The following LRRTM4 variants were observed in gnomAD, a reference collection of about 807,000 sequenced individuals.
The protein encoded by LRRTM4 is leucine-rich repeat transmembrane neuronal protein 4.
A neutral mutation model predicts 47.6 loss-of-function variants in LRRTM4; 25 were observed. The observed-to-expected ratio is 0.53, with a 90% CI of 0.38 to 0.73. The LOEUF is 0.73. LRRTM4 is among the 30% of genes least tolerant of loss of function. The pLI, the probability that LRRTM4 is intolerant of heterozygous loss-of-function variation, is 0.00. For missense variants in LRRTM4, 638 were observed against 713.4 expected (o/e 0.89, Z 1.20); for synonymous variants, 311 against 269.5 (o/e 1.15, Z -1.51).
intron 3 of LRRTM4, among the ~76,000 whole-genome samples, chr2:76,917,534 T>C (rs1327318393): frequency 3.3e-5 from 5 of 152,122 alleles, no homozygotes; most frequent in Admixed American, 3.3e-4. Flanking sequence ...TGTTTGGGGT[T>C]TCTTAATGTG....
At chr2:77,063,477 G>C (rs1679858230) in intron 3 of LRRTM4, among the ~76,000 whole-genome samples, 1 of 151,784 alleles carries the variant, frequency 6.6e-6, no homozygotes, top group Non-Finnish European at 1.5e-5. Context: ...TTAAAGTTTT[G>C]GGAAGGAAAT....
intron 3 of LRRTM4, among the ~76,000 whole-genome samples, chr2:77,393,853 A>G (rs1214668822): frequency 6.6e-6 from 1 of 151,912 alleles, no homozygotes; most frequent in Non-Finnish European, 1.5e-5. Context: ...TGTATTTCTT[A>G]AGAGTCCAGG....
At chr2:77,219,436 A>G (rs1457106428) in intron 3 of LRRTM4, among the ~76,000 whole-genome samples, 1 of 152,060 alleles carries the variant, frequency 6.6e-6, no homozygotes, top group Non-Finnish European at 1.5e-5. Flanking sequence ...TTTCTAGAGC[A>G]CTCCTTCATA....
chr2:77,455,567 A>T (rs962615769), intron 3 of LRRTM4, among the ~76,000 whole-genome samples: 1 of 151,834 alleles, frequency 6.6e-6, no homozygotes, highest in African/African-American at 2.4e-5. Flanking sequence ...TTTTATTTTC[A>T]TACCCTTTTT....
rs565834053 is a variant in LRRTM4 at position 77,167,503 on chromosome 2, G to A, written c.1551+350815C>T. 5.5e-4 allele frequency among the ~76,000 whole-genome samples: 83 copies of A among 152,256 alleles called. 1 individual carries two copies. Among genetic ancestry groups the A allele is most frequent in the African/African-American group, 1.8e-3 (73 of 41,556 alleles). Reference sequence around the variant, plus strand: ...TGCTGCTATAAAGACACATGCATACGTATGTTTATTGAGGCACTGTTCACA... The same window carrying A: ...TGCTGCTATAAAGACACATGCATACATATGTTTATTGAGGCACTGTTCACA... On this transcript the variant is annotated intron_variant, in intron 3 of 3. Transcript: ENST00000409884.
At chr2:76,974,740 T>A (rs1412000511) in intron 3 of LRRTM4, among the ~76,000 whole-genome samples, 1 of 151,742 alleles carries the variant, frequency 6.6e-6, no homozygotes, top group Non-Finnish European at 1.5e-5. Context: ...CATACTATTA[T>A]AAATTTAATT....
chr2:76,872,934 GC>G (rs1340340690), intron 3 of LRRTM4, among the ~76,000 whole-genome samples: 3 of 151,990 alleles, frequency 2.0e-5, no homozygotes, highest in Admixed American at 1.3e-4. Flanking sequence ...GCATTCACTG[GC>G]TCCTTTTCAC....
At chr2:77,470,097 A>C (rs1677129852) in intron 3 of LRRTM4, among the ~76,000 whole-genome samples, 3 of 152,174 alleles carry the variant, frequency 2.0e-5, no homozygotes, top group Admixed American at 1.3e-4. Context: ...ATAGTTTCTT[A>C]GGACTGATAC....
intron 3 of LRRTM4, among the ~76,000 whole-genome samples, chr2:76,851,073 T>TAACAGTGCACATTCAG (rs1166001400): frequency 6.6e-6 from 1 of 152,204 alleles, no homozygotes; most frequent in Non-Finnish European, 1.5e-5. Flanking sequence ...CCAGTTTTGC[T>TAACAGTGCACATTCAG]AACAGTGCAC....
At chr2:76,804,481 A>T (rs575207566) in intron 3 of LRRTM4, among the ~76,000 whole-genome samples, 9 of 151,980 alleles carry the variant, frequency 5.9e-5, no homozygotes, top group South Asian at 4.2e-4. Context: ...TGACACATCT[A>T]AGTATCAGCC....
At chr2:77,351,323 G>T (rs1458060900) in intron 3 of LRRTM4, among the ~76,000 whole-genome samples, 1 of 151,522 alleles carries the variant, frequency 6.6e-6, no homozygotes, top group East Asian at 1.9e-4. Flanking sequence ...GTTTGACAAG[G>T]TATTCCCAAC....
chr2:77,479,421 C>T (rs13420329), intron 3 of LRRTM4, among the ~76,000 whole-genome samples: 43,222 of 152,052 alleles, frequency 0.28, 6,374 homozygotes, highest in Admixed American at 0.38. Context: ...AAAGATCAAA[C>T]AGTCAGTCCA....
chr2:77,003,632 C>A (rs1376015878), intron 3 of LRRTM4, among the ~76,000 whole-genome samples: 2 of 152,144 alleles, frequency 1.3e-5, no homozygotes, highest in South Asian at 2.1e-4. Context: ...GTTAATTAAA[C>A]CTCTTCCCTT....
chr2:76,867,066 G>A lies in LRRTM4; in HGVS notation c.1552-118150C>T, dbSNP rs139245313. 3.8e-3 allele frequency among the ~76,000 whole-genome samples: 576 copies of A among 152,130 alleles called. 2 individuals carry two copies. The highest frequency in any genetic ancestry group is 0.011 in the African/African-American group (476 of 41,516). On this transcript the variant is annotated intron_variant, in intron 3 of 3. Transcript: ENST00000409884. Reference sequence around the variant, plus strand: ...GGGGAACATCACACAACGTCTGTTAGGGGGTGGTGGGGCAAGGGGAGGGAG... The same window carrying A: ...GGGGAACATCACACAACGTCTGTTAAGGGGTGGTGGGGCAAGGGGAGGGAG...
chr2:76,942,602 C>A (rs1341861084), intron 3 of LRRTM4, among the ~76,000 whole-genome samples: 2 of 150,216 alleles, frequency 1.3e-5, no homozygotes, highest in Admixed American at 6.7e-5. Flanking sequence ...TCAACCCCAA[C>A]ATTTATGAAT....
intron 3 of LRRTM4, among the ~76,000 whole-genome samples, chr2:77,247,365 C>G (rs932155586): frequency 6.6e-6 from 1 of 152,088 alleles, no homozygotes; most frequent in Admixed American, 6.6e-5. Context: ...TGAAGGATCA[C>G]AAAACCACAC....
intron 3 of LRRTM4, among the ~76,000 whole-genome samples, chr2:77,354,322 G>C (rs751315672): frequency 2.6e-5 from 4 of 151,364 alleles, no homozygotes; most frequent in Non-Finnish European, 2.9e-5. Context: ...GTGAAGGGAT[G>C]CATATCCAGA....
chr2:76,847,344 A>G (rs1246487391), intron 3 of LRRTM4, among the ~76,000 whole-genome samples: 3 of 152,152 alleles, frequency 2.0e-5, no homozygotes, highest in African/African-American at 7.2e-5. Flanking sequence ...AATTATGATT[A>G]TAGTATTTAA....
At chr2:77,291,554 A>G (rs1676822345) in intron 3 of LRRTM4, among the ~76,000 whole-genome samples, 1 of 152,148 alleles carries the variant, frequency 6.6e-6, no homozygotes, top group African/African-American at 2.4e-5. Context: ...GTAATATAAC[A>G]GCATTCACAT....
Sources: gnomAD v4.1 joint callset for allele counts (sites outside exome capture counted in the v4.1 genomes callset) on GRCh38, gnomAD v4.1.1 for gene constraint, MANE v1.5 for transcripts, NCBI Gene and HGNC (gene_info 2026-07-23, HGNC 2026-07-21) for gene names.